Variants in UTRN observed in about 807,000 individuals in gnomAD.
UTRN encodes dystrophin-related protein 1.
UTRN carries 283 observed loss-of-function variants against 463.9 expected under a neutral mutation model. That is an observed-to-expected ratio of 0.61 (90% CI 0.55 to 0.67). UTRN has a LOEUF of 0.67. Ranked by LOEUF, UTRN falls within the 30% of genes least tolerant of loss-of-function variation. The probability of loss-of-function intolerance (pLI) is 0.00; values close to 1 mark genes in which losing one functional copy is unlikely to be tolerated. For synonymous variants in UTRN, 1,442 were observed against 1,431.5 expected (o/e 1.01, Z -0.17); for missense variants, 3,922 against 4,084.3 (o/e 0.96, Z 1.08).
At chr6:144,382,664 C>T (rs1240315405) in intron 2 of UTRN, among the ~76,000 whole-genome samples, 1 of 152,146 alleles carries the variant, frequency 6.6e-6, no homozygotes, top group Non-Finnish European at 1.5e-5. Context: ...AGACATAAAG[C>T]AGTCAAAAAG....
chr6:144,762,169 C>T (rs749650380), intron 58 of UTRN, among the ~76,000 whole-genome samples: 12 of 152,246 alleles, frequency 7.9e-5, no homozygotes, highest in African/African-American at 1.4e-4. Context: ...TTAATAAGCA[C>T]GCTTACAGCT....
Position 144,490,911 on chromosome 6 carries a change from T to C in UTRN, c.4264-18T>C. 6.4e-7 allele frequency: 1 copy of C among 1,559,938 alleles called. No homozygotes were observed. The highest frequency in any genetic ancestry group is 8.7e-7 in the Non-Finnish European group (1 of 1,151,094). On this transcript the variant is annotated intron_variant, in intron 31 of 74. Coordinates refer to ENST00000367545, the MANE Select transcript of UTRN (RefSeq NM_007124.3). ...AATCATCCTGATGGGAATTGCATATTTTCATTTCTGCAAACAGAGGAAACT... is the reference window on the plus strand; with the variant it reads ...AATCATCCTGATGGGAATTGCATATCTTCATTTCTGCAAACAGAGGAAACT...
At chr6:144,624,591 C>T (rs904501101) in intron 51 of UTRN, among the ~76,000 whole-genome samples, 7 of 151,998 alleles carry the variant, frequency 4.6e-5, no homozygotes, top group East Asian at 1.9e-4. Flanking sequence ...GAAGGGTGGC[C>T]GGGGGCCATT....
rs149523905 is a variant in UTRN at position 144,469,746 on chromosome 6, G to A, written c.3067-3974G>A. Among the ~76,000 whole-genome samples the A allele has an allele frequency of 3.1e-3, 423 of 135,054 alleles. 2 individuals carry two copies. The highest frequency in any genetic ancestry group is 0.013 in the African/African-American group (393 of 31,218). 88.6% of individuals were successfully genotyped at this position (135,054 alleles called of 152,430 possible). ...TATTGATCATTTTTGGGTGTTTCTC[G>A]GAGAGGGGGATTTGGCAGGGTCATA... On this transcript the variant is annotated intron_variant, in intron 23 of 74. Coordinates refer to ENST00000367545, the MANE Select transcript of UTRN (RefSeq NM_007124.3).
chr6:144,366,475 C>T (rs918892913), intron 2 of UTRN, among the ~76,000 whole-genome samples: 1 of 152,142 alleles, frequency 6.6e-6, no homozygotes, highest in African/African-American at 2.4e-5. Context: ...CATTTAGCTG[C>T]CACTTAAATG....
intron 30 of UTRN, 43 bp from the exon 31 acceptor site, chr6:144,490,028 A>G: frequency 8.8e-7 from 1 of 1,140,998 alleles, no homozygotes; most frequent in Non-Finnish European, 1.2e-6. Flanking sequence ...ATACTTAAGT[A>G]AAAAAAAAAG....
At chr6:144,495,030 G>A (rs1793472251) in intron 33 of UTRN, among the ~76,000 whole-genome samples, 1 of 152,352 alleles carries the variant, frequency 6.6e-6, no homozygotes, top group African/African-American at 2.4e-5. Context: ...CAATCCCTGA[G>A]CTAGACATAA....
intron 2 of UTRN, among the ~76,000 whole-genome samples, chr6:144,381,488 T>C (rs1780918715): frequency 6.6e-6 from 1 of 152,194 alleles, no homozygotes; most frequent in Non-Finnish European, 1.5e-5. Context: ...AACAGAGCAA[T>C]TTATATTCCT....
chr6:144,667,111 G>C (rs1419134744), intron 51 of UTRN, among the ~76,000 whole-genome samples: 1 of 152,048 alleles, frequency 6.6e-6, no homozygotes, highest in African/African-American at 2.4e-5. Flanking sequence ...CTGGAGTGCA[G>C]TGGCACCATC....
intron 59 of UTRN, among the ~76,000 whole-genome samples, chr6:144,772,759 C>T (rs143590224): frequency 5.5e-4 from 83 of 152,188 alleles, no homozygotes; most frequent in Middle Eastern, 3.4e-3. Context: ...AAAACACAGA[C>T]GAGAATTCCG....
At chr6:144,514,184 CAATAAGAGACAA>C (rs1795411200) in intron 36 of UTRN, 147 bp downstream of exon 36, 14 of 1,168,000 alleles carry the variant, frequency 1.2e-5, no homozygotes, top group Non-Finnish European at 1.6e-5. Context: ...GAAACTGAGA[CAATAAGAGACAA>C]AATAAGAGAC....
chr6:144,799,516 A>G, intron 64 of UTRN: 5 of 471,646 alleles, frequency 1.1e-5, no homozygotes, highest in South Asian at 3.1e-5. Context: ...TGGAATGGCT[A>G]CATTTGGAGT....
chr6:144,524,803 T>G (rs1796418955), intron 41 of UTRN, among the ~76,000 whole-genome samples: 1 of 152,202 alleles, frequency 6.6e-6, no homozygotes, highest in Non-Finnish European at 1.5e-5. Flanking sequence ...TTTTCCTCAT[T>G]CAGTATAATG....
intron 65 of UTRN, among the ~76,000 whole-genome samples, chr6:144,813,710 A>G (rs1399418369): frequency 6.6e-6 from 1 of 152,236 alleles, no homozygotes; most frequent in East Asian, 1.9e-4. Flanking sequence ...TATGAGAGGA[A>G]AGACAAGGAA....
intron 48 of UTRN, among the ~76,000 whole-genome samples, chr6:144,553,915 CAAA>C (rs397886619): frequency 9.8e-4 from 98 of 99,806 alleles, no homozygotes; most frequent in African/African-American, 2.5e-3. Flanking sequence ...GACTCTCTCT[CAAA>C]AAAAAAAAAA....
chr6:144,608,491 G>A (rs1454161388), intron 51 of UTRN, among the ~76,000 whole-genome samples: 1 of 152,156 alleles, frequency 6.6e-6, no homozygotes, highest in Non-Finnish European at 1.5e-5. Flanking sequence ...CAGAACTTGA[G>A]ACATCCACTT....
At chr6:144,767,258 T>C (rs1427871100) in intron 58 of UTRN, among the ~76,000 whole-genome samples, 2 of 152,090 alleles carry the variant, frequency 1.3e-5, no homozygotes, top group Non-Finnish European at 2.9e-5. Flanking sequence ...TTTCTCCAGT[T>C]GTTTTTATCC....
chr6:144,447,874 A>G (rs1787852026), intron 16 of UTRN, 93 bp downstream of exon 16: 1 of 1,358,664 alleles, frequency 7.4e-7, no homozygotes, highest in Admixed American at 2.6e-5. Flanking sequence ...AAATAAACTA[A>G]AAAGTTGTTT....
chr6:144,730,592 A>C (rs1009791765), intron 54 of UTRN, 106 bp downstream of exon 54: 40 of 1,251,594 alleles, frequency 3.2e-5, no homozygotes, highest in South Asian at 4.6e-5. Context: ...CTAATATTTA[A>C]ATCTTTTCTT....
Sources: allele counts gnomAD v4.1 joint callset (sites outside exome capture counted in the v4.1 genomes callset), GRCh38; gene constraint gnomAD v4.1.1; transcripts MANE v1.5; gene names NCBI Gene and HGNC (gene_info 2026-07-23, HGNC 2026-07-21).